Variants in PKD1L1 observed in about 807,000 individuals in gnomAD.
The protein encoded by PKD1L1 is polycystin-1-like protein 1.
In PKD1L1, 236 loss-of-function variants were observed where a neutral mutation model predicts 323.4. The observed-to-expected ratio is 0.73, with a 90% CI of 0.66 to 0.81. PKD1L1 has a LOEUF of 0.81. Among genes scored for constraint, PKD1L1 ranks in the 40% least tolerant of loss-of-function variants. PKD1L1 has a pLI of 0.00. For missense variants in PKD1L1, 3,320 were observed against 3,508.0 expected (o/e 0.95, Z 1.35); for synonymous variants, 1,344 against 1,335.0 (o/e 1.01, Z -0.15).
At chr7:47,795,236 T>A (rs1215415989) in intron 55 of PKD1L1, 2 of 381,272 alleles carry the variant, frequency 5.2e-6, no homozygotes, top group Non-Finnish European at 1.0e-5. Context: ...CCACATGTTG[T>A]GGGAGGGACC....
intron 34 of PKD1L1, among the ~76,000 whole-genome samples, chr7:47,841,956 A>G (rs1460589461): frequency 1.3e-5 from 2 of 152,236 alleles, no homozygotes; most frequent in Non-Finnish European, 2.9e-5. Context: ...CTATGTAGAC[A>G]ACCTCATCCT....
intron 1 of PKD1L1, among the ~76,000 whole-genome samples, chr7:47,944,872 C>G (rs1240333877): frequency 6.6e-6 from 1 of 152,214 alleles, no homozygotes; most frequent in Admixed American, 6.5e-5. Flanking sequence ...GTGAAATAGT[C>G]CTGAACTAAG....
intron 56 of PKD1L1, among the ~76,000 whole-genome samples, chr7:47,775,893 C>G (rs758072130): frequency 1.3e-5 from 2 of 150,548 alleles, no homozygotes; most frequent in Non-Finnish European, 3.0e-5. Context: ...TGACAAGCCT[C>G]TAGCCAGGAT....
intron 9 of PKD1L1, among the ~76,000 whole-genome samples, chr7:47,907,019 A>C (rs189676871): frequency 2.6e-5 from 4 of 152,358 alleles, no homozygotes; most frequent in Admixed American, 2.6e-4. Flanking sequence ...GAAATTTACA[A>C]GAATTGTGCC....
At chr7:47,917,279 G>GA (rs1787448986) in intron 7 of PKD1L1, among the ~76,000 whole-genome samples, 1 of 151,938 alleles carries the variant, frequency 6.6e-6, no homozygotes, top group South Asian at 2.1e-4. Flanking sequence ...CAAAGACAAA[G>GA]AAAAAAGAAT....
At chr7:47,812,443 G>A (rs1403164962) in intron 49 of PKD1L1, among the ~76,000 whole-genome samples, 1 of 152,186 alleles carries the variant, frequency 6.6e-6, no homozygotes, top group East Asian at 1.9e-4. Context: ...CAAGCTGGGA[G>A]AAGGCAGTTA....
intron 21 of PKD1L1, among the ~76,000 whole-genome samples, chr7:47,879,959 A>ATTG (rs59716086): frequency 0.35 from 52,605 of 148,740 alleles, 10,567 homozygotes; most frequent in African/African-American, 0.55. Flanking sequence ...AAAAAAAAAA[A>ATTG]TTAAGCCCAC....
At chr7:47,818,328 A>T in intron 46 of PKD1L1, 1 of 575,864 alleles carries the variant, frequency 1.7e-6, no homozygotes, top group Non-Finnish European at 2.6e-6. Context: ...TTTTCAACAG[A>T]GGAAAGTGTT....
intron 53 of PKD1L1, among the ~76,000 whole-genome samples, chr7:47,802,433 T>A (rs1427116449): frequency 1.3e-5 from 2 of 152,048 alleles, no homozygotes; most frequent in Non-Finnish European, 2.9e-5. Context: ...TCAGGTTCGT[T>A]CTCTCTGCCC....
chr7:47,874,543 T>C (rs1209697689), intron 23 of PKD1L1, among the ~76,000 whole-genome samples: 1 of 152,220 alleles, frequency 6.6e-6, no homozygotes, highest in Non-Finnish European at 1.5e-5. Flanking sequence ...CTTCTCAAGA[T>C]GTGGTCTATG....
Position 47,898,086 on chromosome 7 carries a change from G to A in PKD1L1, c.2173C>T (p.Leu725Phe). Residue 725 changes from leucine (L) to phenylalanine (F), a missense_variant, in exon 14 of 57, where the codon CTC (leucine) becomes TTC (phenylalanine). Transcript: ENST00000289672. ...YTWNLMDSEGLPVSLPAAVDT... is the reference protein window; with the variant it reads ...YTWNLMDSEGFPVSLPAAVDT... ...ACAGCAGCAGGGAGGGAGACAGGGA[G>A]CCCTTCAGAGTCCATCAAGTTCCAG... The A allele has an allele frequency of 6.2e-7, 1 of 1,614,008 alleles. No individual in the cohort carries two copies. Among genetic ancestry groups the A allele is most frequent in the African/African-American group, 1.3e-5 (1 of 75,024 alleles).
At chr7:47,776,676 A>T (rs1786575733) in intron 56 of PKD1L1, among the ~76,000 whole-genome samples, 1 of 152,198 alleles carries the variant, frequency 6.6e-6, no homozygotes, top group Non-Finnish European at 1.5e-5. Flanking sequence ...TGTTACCAGA[A>T]TCCAATTCAA....
intron 7 of PKD1L1, among the ~76,000 whole-genome samples, chr7:47,923,958 G>A (rs1312573400): frequency 6.6e-6 from 1 of 151,210 alleles, no homozygotes; most frequent in Admixed American, 6.6e-5. Flanking sequence ...TTTTTTTTAA[G>A]TCTTCATTAA....
At chr7:47,896,542 T>TGG (rs200050525) in intron 14 of PKD1L1, among the ~76,000 whole-genome samples, 4 of 151,940 alleles carry the variant, frequency 2.6e-5, no homozygotes, top group African/African-American at 9.7e-5. Flanking sequence ...TTTAGTTGTT[T>TGG]GGGGGGGACT....
intron 46 of PKD1L1, among the ~76,000 whole-genome samples, chr7:47,820,665 T>C (rs1020104213): frequency 3.9e-5 from 6 of 151,982 alleles, no homozygotes; most frequent in African/African-American, 1.4e-4. Flanking sequence ...AGGTGGAGAT[T>C]GCAGTGAGCT....
chr7:47,944,162 G>A (rs1042781183), intron 1 of PKD1L1, among the ~76,000 whole-genome samples: 4 of 152,192 alleles, frequency 2.6e-5, no homozygotes, highest in African/African-American at 9.7e-5. Context: ...TAGAGGTGAG[G>A]CCTGGTGGGA....
chr7:47,795,761 T>C (rs1784510237), intron 55 of PKD1L1, among the ~76,000 whole-genome samples: 1 of 152,152 alleles, frequency 6.6e-6, no homozygotes, highest in African/African-American at 2.4e-5. Flanking sequence ...TATAAGGATA[T>C]AGTGAGTTAA....
At chr7:47,804,205 C>A (rs1235877734) in intron 52 of PKD1L1, among the ~76,000 whole-genome samples, 1 of 152,212 alleles carries the variant, frequency 6.6e-6, no homozygotes, top group Non-Finnish European at 1.5e-5. Flanking sequence ...GTGGCTGTCA[C>A]CCCTCGGGTT....
intron 4 of PKD1L1, among the ~76,000 whole-genome samples, chr7:47,936,052 G>T (rs192113385): frequency 7.9e-5 from 12 of 152,314 alleles, no homozygotes; most frequent in Admixed American, 7.2e-4. Flanking sequence ...TCCATTAGAA[G>T]GAGTAAAACC....
Sources: allele counts gnomAD v4.1 joint callset (sites outside exome capture counted in the v4.1 genomes callset), GRCh38; gene constraint gnomAD v4.1.1; transcripts MANE v1.5; gene names NCBI Gene and HGNC (gene_info 2026-07-23, HGNC 2026-07-21).